LRRC4C: variants seen among roughly 807,000 people sequenced by gnomAD.
LRRC4C encodes the protein leucine rich repeat containing 4C, also known as leucine-rich repeat-containing protein 4C.
A neutral mutation model predicts 33.6 loss-of-function variants in LRRC4C; 5 were observed. That is an observed-to-expected ratio of 0.15 (90% confidence interval 0.08 to 0.31). The LOEUF is 0.31. Ranked by LOEUF, LRRC4C falls within the 10% of genes least tolerant of loss-of-function variation. The pLI, the probability that LRRC4C is intolerant of heterozygous loss-of-function variation, is 1.00. For missense variants in LRRC4C, 560 were observed against 796.7 expected, an observed-to-expected ratio of 0.70 and a Z score of 3.58; for synonymous variants, 329 against 302.0, an observed-to-expected ratio of 1.09 and a Z score of -0.93.
chr11:40,574,151 T>C (rs146586712), intron 3 of LRRC4C, among the ~76,000 whole-genome samples: 30 of 152,346 alleles, frequency 2.0e-4, no homozygotes, highest in Non-Finnish European at 3.4e-4. Flanking sequence ...TGTATTTCAA[T>C]TGATTCTCCT....
intron 1 of LRRC4C, among the ~76,000 whole-genome samples, chr11:41,371,907 A>C (rs2860336): frequency 0.71 from 108,785 of 152,164 alleles, 39,248 homozygotes; most frequent in East Asian, 0.83. Context: ...AGGCCAAGGG[A>C]GGCGGATCAG....
At chr11:41,138,873 A>G (rs1313403882) in intron 1 of LRRC4C, among the ~76,000 whole-genome samples, 1 of 152,170 alleles carries the variant, frequency 6.6e-6, no homozygotes, top group Non-Finnish European at 1.5e-5. Context: ...AGATTTCTTT[A>G]ATTAAACTTT....
At chr11:41,012,546 T>TG (rs1855283871) in intron 1 of LRRC4C, among the ~76,000 whole-genome samples, 1 of 152,180 alleles carries the variant, frequency 6.6e-6, no homozygotes, top group South Asian at 2.1e-4. Flanking sequence ...CAATAAAGGT[T>TG]GGAGTGCAGA....
At chr11:40,511,866 A>C (rs1955332508) in intron 3 of LRRC4C, among the ~76,000 whole-genome samples, 1 of 152,272 alleles carries the variant, frequency 6.6e-6, no homozygotes, top group Non-Finnish European at 1.5e-5. Flanking sequence ...TAACATAGTA[A>C]AATTTGATAA....
chr11:41,102,065 T>C (rs1234656109), intron 1 of LRRC4C, among the ~76,000 whole-genome samples: 1 of 152,046 alleles, frequency 6.6e-6, no homozygotes, highest in East Asian at 1.9e-4. Context: ...TGAAATAATC[T>C]GTACAACAAA....
At chr11:41,194,630 C>T (rs907795596) in intron 1 of LRRC4C, among the ~76,000 whole-genome samples, 1 of 151,978 alleles carries the variant, frequency 6.6e-6, no homozygotes, top group Non-Finnish European at 1.5e-5. Flanking sequence ...AGCAGAGGCC[C>T]CCAGGCCAAC....
intron 1 of LRRC4C, among the ~76,000 whole-genome samples, chr11:41,390,101 A>G (rs1224214814): frequency 6.6e-6 from 1 of 151,940 alleles, no homozygotes; most frequent in African/African-American, 2.4e-5. Context: ...AAAACTGCAT[A>G]AAACATTGTT....
chr11:40,888,083 T>G (rs1955543747), intron 2 of LRRC4C, among the ~76,000 whole-genome samples: 1 of 151,986 alleles, frequency 6.6e-6, no homozygotes, highest in African/African-American at 2.4e-5. Flanking sequence ...GATCAACATA[T>G]GTCTCATTTC....
intron 2 of LRRC4C, among the ~76,000 whole-genome samples, chr11:40,756,357 G>T (rs1312797703): frequency 6.6e-6 from 1 of 152,026 alleles, no homozygotes; most frequent in Admixed American, 6.6e-5. Context: ...CCGTCGCTTT[G>T]CTAATTAAAA....
intron 2 of LRRC4C, among the ~76,000 whole-genome samples, chr11:40,768,680 C>T (rs943636225): frequency 1.3e-5 from 2 of 152,020 alleles, no homozygotes; most frequent in Admixed American, 1.3e-4. Context: ...AAGGATGATT[C>T]ATCATATGCA....
intron 2 of LRRC4C, among the ~76,000 whole-genome samples, chr11:40,739,007 TTGTG>T (rs72411974): frequency 3.2e-4 from 48 of 149,114 alleles, no homozygotes; most frequent in South Asian, 4.2e-4. Context: ...ATAATTGCTA[TTGTG>T]TGTGTGTGTG....
intron 2 of LRRC4C, among the ~76,000 whole-genome samples, chr11:40,828,196 A>G (rs553938851): frequency 1.3e-4 from 20 of 151,460 alleles, no homozygotes; most frequent in African/African-American, 4.6e-4. Flanking sequence ...CTAAATACAA[A>G]ATATATAGCA....
chr11:40,400,095 G>T (rs1182992264), intron 3 of LRRC4C, among the ~76,000 whole-genome samples: 1 of 152,070 alleles, frequency 6.6e-6, no homozygotes. Context: ...ACAATACCTT[G>T]ACTTCCTCAA....
chr11:40,901,971 G>T, intron 2 of LRRC4C, among the ~76,000 whole-genome samples: 1 of 134,670 alleles, frequency 7.4e-6, no homozygotes, highest in South Asian at 2.4e-4. Flanking sequence ...TGATATATAA[G>T]AAAAGACAAT....
intron 1 of LRRC4C, among the ~76,000 whole-genome samples, chr11:41,037,474 G>A (rs1857150551): frequency 6.6e-6 from 1 of 152,006 alleles, no homozygotes; most frequent in Admixed American, 6.6e-5. Flanking sequence ...CAAAGTGTGA[G>A]ATTACAGGTG....
At chr11:40,977,850 G>A (rs1852195976) in intron 1 of LRRC4C, among the ~76,000 whole-genome samples, 1 of 152,182 alleles carries the variant, frequency 6.6e-6, no homozygotes, top group Non-Finnish European at 1.5e-5. Context: ...TGCTGACCAA[G>A]TCAGAATGTC....
At chr11:41,090,800 GCT>G (rs2135544565) in intron 1 of LRRC4C, among the ~76,000 whole-genome samples, 1 of 152,178 alleles carries the variant, frequency 6.6e-6, no homozygotes, top group South Asian at 2.1e-4. Context: ...GCTCTTACTA[GCT>G]CTCTCTTTCC....
chr11:40,675,601 G>A (rs1944359422), intron 2 of LRRC4C, among the ~76,000 whole-genome samples: 1 of 152,086 alleles, frequency 6.6e-6, no homozygotes. Flanking sequence ...TGACTCCCCA[G>A]CTGCTGGACT....
At chr11:41,299,863 G>A (rs1435650303) in intron 1 of LRRC4C, among the ~76,000 whole-genome samples, 1 of 152,062 alleles carries the variant, frequency 6.6e-6, no homozygotes, top group Non-Finnish European at 1.5e-5. Flanking sequence ...TGTCTAGAAG[G>A]GAAATGAACT....
Sources: gnomAD v4.1 joint callset for allele counts (sites outside exome capture counted in the v4.1 genomes callset) on GRCh38, gnomAD v4.1.1 for gene constraint, MANE v1.5 for transcripts, NCBI Gene and HGNC (gene_info 2026-07-23, HGNC 2026-07-21) for gene names.